Variants in PITPNC1 observed in about 807,000 individuals in gnomAD.
The protein encoded by PITPNC1 is phosphatidylinositol transfer protein cytoplasmic 1.
In PITPNC1, 18 loss-of-function variants were observed where a neutral mutation model predicts 44.7. The ratio of observed to expected loss-of-function variants is 0.40; its 90% CI spans 0.28 to 0.60. The LOEUF is 0.60. PITPNC1 is among the 20% of genes least tolerant of loss of function. The probability of loss-of-function intolerance (pLI) is 0.39; values close to 1 mark genes in which losing one functional copy is unlikely to be tolerated. For missense variants in PITPNC1, 290 were observed against 418.4 expected (o/e 0.69, Z 2.68); for synonymous variants, 141 against 149.6 (o/e 0.94, Z 0.42).
chr17:67,691,218 C>T (rs1042599653), intron 8 of PITPNC1, among the ~76,000 whole-genome samples: 2 of 152,122 alleles, frequency 1.3e-5, no homozygotes, highest in Non-Finnish European at 2.9e-5. Flanking sequence ...AACTAAGGAA[C>T]TGTATTTTTG....
intron 1 of PITPNC1, among the ~76,000 whole-genome samples, chr17:67,518,131 A>C (rs935828814): frequency 6.6e-6 from 1 of 152,182 alleles, no homozygotes; most frequent in African/African-American, 2.4e-5. Flanking sequence ...GTGATTCTGT[A>C]ATTTGCTACA....
At chr17:67,566,220 T>C (rs549155891) in intron 4 of PITPNC1, among the ~76,000 whole-genome samples, 153 of 152,336 alleles carry the variant, frequency 1.0e-3, no homozygotes, top group African/African-American at 3.6e-3. Flanking sequence ...TTGTTGTTTT[T>C]TGATACAGGG....
chr17:67,643,906 AC>A (rs1446379681), intron 6 of PITPNC1, among the ~76,000 whole-genome samples: 4 of 152,128 alleles, frequency 2.6e-5, no homozygotes, highest in African/African-American at 9.7e-5. Context: ...GAAAGTGGCC[AC>A]CGTGAGTGGC....
At chr17:67,654,680 T>C (rs2042244136) in intron 6 of PITPNC1, among the ~76,000 whole-genome samples, 1 of 152,100 alleles carries the variant, frequency 6.6e-6, no homozygotes, top group African/African-American at 2.4e-5. Flanking sequence ...TTGCCCAGGC[T>C]GGAGTGCAGT....
chr17:67,590,861 G>A (rs1274284120), intron 5 of PITPNC1, among the ~76,000 whole-genome samples: 1 of 152,032 alleles, frequency 6.6e-6, no homozygotes, highest in East Asian at 1.9e-4. Context: ...GCTGAGGCAG[G>A]AGAATCACTT....
intron 5 of PITPNC1, among the ~76,000 whole-genome samples, chr17:67,594,344 T>C (rs1791145198): frequency 6.6e-6 from 1 of 152,032 alleles, no homozygotes. Flanking sequence ...CACTTCAGAG[T>C]GGACTCTTGG....
At chr17:67,502,763 GTAT>G (rs1306369554) in intron 1 of PITPNC1, among the ~76,000 whole-genome samples, 2 of 148,700 alleles carry the variant, frequency 1.3e-5, no homozygotes, top group Non-Finnish European at 3.0e-5. Flanking sequence ...GTATTGTATT[GTAT>G]TGTATTGTAT....
intron 1 of PITPNC1, among the ~76,000 whole-genome samples, chr17:67,450,934 C>T (rs966255650): frequency 1.3e-5 from 2 of 152,146 alleles, no homozygotes; most frequent in African/African-American, 4.8e-5. Flanking sequence ...TTCTAGGTAC[C>T]TCATAAAAGT....
chr17:67,540,840 A>C (rs1335252784), intron 2 of PITPNC1, among the ~76,000 whole-genome samples: 2 of 152,248 alleles, frequency 1.3e-5, no homozygotes, highest in African/African-American at 4.8e-5. Context: ...GGATTTTTTA[A>C]GCCAACATCT....
At chr17:67,475,406 T>C (rs889691873) in intron 1 of PITPNC1, among the ~76,000 whole-genome samples, 6 of 152,222 alleles carry the variant, frequency 3.9e-5, no homozygotes, top group African/African-American at 1.4e-4. Context: ...TGTTTGGGAC[T>C]CTTACTCCTT....
intron 6 of PITPNC1, among the ~76,000 whole-genome samples, chr17:67,661,623 A>G (rs1217082253): frequency 6.6e-6 from 1 of 152,178 alleles, no homozygotes; most frequent in Non-Finnish European, 1.5e-5. Flanking sequence ...GGGCAAAGAA[A>G]TGTGGTCAAG....
At chr17:67,589,357 TTAAAG>T (rs2041360787) in intron 5 of PITPNC1, among the ~76,000 whole-genome samples, 1 of 152,222 alleles carries the variant, frequency 6.6e-6, no homozygotes, top group African/African-American at 2.4e-5. Context: ...AGAAGACAGC[TTAAAG>T]TAGTGTCTGC....
chr17:67,654,416 G>A (rs73342208), intron 6 of PITPNC1, among the ~76,000 whole-genome samples: 6,926 of 152,268 alleles, frequency 0.045, 527 homozygotes, highest in African/African-American at 0.16. Flanking sequence ...TAAACTCATA[G>A]TAATCCTACA....
intron 6 of PITPNC1, among the ~76,000 whole-genome samples, chr17:67,642,438 C>T (rs2042102199): frequency 6.6e-6 from 1 of 152,136 alleles, no homozygotes; most frequent in Non-Finnish European, 1.5e-5. Flanking sequence ...TACATCCTTC[C>T]CTCTTCTGCT....
At chr17:67,662,183 G>A (rs936138993) in intron 6 of PITPNC1, among the ~76,000 whole-genome samples, 5 of 152,090 alleles carry the variant, frequency 3.3e-5, no homozygotes, top group African/African-American at 9.7e-5. Flanking sequence ...GCCGGGTGCG[G>A]TAGCGTATGC....
chr17:67,543,257 G>T (rs7208417), intron 2 of PITPNC1, among the ~76,000 whole-genome samples: 14,398 of 152,198 alleles, frequency 0.095, 688 homozygotes, highest in South Asian at 0.11. Flanking sequence ...CATCAGCACC[G>T]CAGCTGCCCT....
intron 8 of PITPNC1, among the ~76,000 whole-genome samples, chr17:67,679,959 G>T (rs947598452): frequency 1.3e-5 from 2 of 152,186 alleles, no homozygotes; most frequent in Non-Finnish European, 2.9e-5. Flanking sequence ...TGAACCTCAC[G>T]AATGTCTTTG....
intron 7 of PITPNC1, among the ~76,000 whole-genome samples, chr17:67,673,966 C>CAAAAA (rs34458518): frequency 5.9e-5 from 5 of 84,876 alleles, no homozygotes; most frequent in Admixed American, 1.6e-4. Flanking sequence ...GACTCCGTCT[C>CAAAAA]AAAAAAAAAA....
At chr17:67,629,919 C>A (rs2041944885) in intron 5 of PITPNC1, among the ~76,000 whole-genome samples, 1 of 152,140 alleles carries the variant, frequency 6.6e-6, no homozygotes, top group Non-Finnish European at 1.5e-5. Flanking sequence ...GAGTTAATCT[C>A]CTTGGACAAA....
Sources: gnomAD v4.1 joint callset for allele counts (sites outside exome capture counted in the v4.1 genomes callset) on GRCh38, gnomAD v4.1.1 for gene constraint, MANE v1.5 for transcripts, NCBI Gene and HGNC (gene_info 2026-07-23, HGNC 2026-07-21) for gene names.